SGCD: variants seen among roughly 807,000 people sequenced by gnomAD.
SGCD encodes sarcoglycan delta.
Under a neutral mutation model 36.6 loss-of-function variants are expected in SGCD, and 18 were observed. That is an observed-to-expected ratio of 0.49 (90% CI 0.34 to 0.73). SGCD has a LOEUF of 0.73. Among genes scored for constraint, SGCD ranks in the 30% least tolerant of loss-of-function variants. The pLI, the probability that SGCD is intolerant of heterozygous loss-of-function variation, is 0.01. For missense variants in SGCD, 387 were observed against 346.7 expected, an observed-to-expected ratio of 1.12 and a Z score of -0.92; for synonymous variants, 133 against 130.6, an observed-to-expected ratio of 1.02 and a Z score of -0.12.
chr5:156,655,397 C>G (rs1247583485), intron 7 of SGCD, among the ~76,000 whole-genome samples: 1 of 152,086 alleles, frequency 6.6e-6, no homozygotes, highest in Non-Finnish European at 1.5e-5. Flanking sequence ...TAGAAGATGT[C>G]AGTTAAAGGA....
intron 6 of SGCD, among the ~76,000 whole-genome samples, chr5:156,604,263 C>T (rs1032983445): frequency 4.0e-5 from 6 of 151,820 alleles, no homozygotes; most frequent in Middle Eastern, 6.8e-3. Flanking sequence ...TTCATTTCTC[C>T]ACTTTCATCT....
At chr5:155,942,577 G>A (rs1405406878) in intron 1 of SGCD, among the ~76,000 whole-genome samples, 1 of 152,090 alleles carries the variant, frequency 6.6e-6, no homozygotes, top group African/African-American at 2.4e-5. Flanking sequence ...AAGTATGAAG[G>A]CTAAAATAAT....
At chr5:156,006,535 T>C (rs1758763377) in intron 1 of SGCD, among the ~76,000 whole-genome samples, 1 of 152,194 alleles carries the variant, frequency 6.6e-6, no homozygotes, top group South Asian at 2.1e-4. Flanking sequence ...ATGTATCTAA[T>C]CATTTCCCAT....
At chr5:156,450,134 A>C (rs1424841038) in intron 3 of SGCD, among the ~76,000 whole-genome samples, 1 of 152,050 alleles carries the variant, frequency 6.6e-6, no homozygotes, top group Non-Finnish European at 1.5e-5. Context: ...GCTGCATTTC[A>C]ATATTATTCT....
At chr5:156,118,525 A>G (rs1050951337) in intron 2 of SGCD, among the ~76,000 whole-genome samples, 2 of 152,176 alleles carry the variant, frequency 1.3e-5, no homozygotes, top group Admixed American at 1.3e-4. Flanking sequence ...CTAAAAGCAC[A>G]TCTACTTTTA....
chr5:156,453,952 A>G (rs1026950783), intron 3 of SGCD, among the ~76,000 whole-genome samples: 3 of 152,174 alleles, frequency 2.0e-5, no homozygotes, highest in Non-Finnish European at 2.9e-5. Flanking sequence ...CTTGGGGCCA[A>G]TGGTGATGGG....
intron 3 of SGCD, among the ~76,000 whole-genome samples, chr5:156,125,270 C>T (rs1316835809): frequency 2.0e-5 from 3 of 152,144 alleles, no homozygotes; most frequent in Admixed American, 6.6e-5. Context: ...CTTCTGGCAC[C>T]GTAAGTCATA....
At chr5:155,737,995 A>C in the SGCD span, among the ~76,000 whole-genome samples, 1 of 152,090 alleles carries the variant, frequency 6.6e-6, no homozygotes, top group East Asian at 1.9e-4. Context: ...ATAATTAGGG[A>C]ATAGATCCTG....
intron 3 of SGCD, among the ~76,000 whole-genome samples, chr5:156,242,681 A>T (rs1413584093): frequency 6.6e-6 from 1 of 152,180 alleles, no homozygotes; most frequent in East Asian, 1.9e-4. Context: ...ATTTAATTTT[A>T]AAAAAAGAAA....
chr5:156,747,436 A>G (rs1335157561), intron 7 of SGCD, among the ~76,000 whole-genome samples: 2 of 152,206 alleles, frequency 1.3e-5, no homozygotes, highest in African/African-American at 4.8e-5. Context: ...TGGACAGGGC[A>G]GTGATCTTAC....
At chr5:156,611,671 T>C (rs1477972527) in intron 6 of SGCD, among the ~76,000 whole-genome samples, 1 of 152,230 alleles carries the variant, frequency 6.6e-6, no homozygotes, top group Non-Finnish European at 1.5e-5. Flanking sequence ...AAATTAGTTT[T>C]CTGTGCCTTT....
intron 5 of SGCD, among the ~76,000 whole-genome samples, chr5:156,591,856 T>G (rs187452560): frequency 2.6e-3 from 398 of 152,252 alleles, no homozygotes; most frequent in Non-Finnish European, 4.6e-3. Context: ...TTTTGCAGCC[T>G]CAGGTGAAAT....
chr5:156,746,009 A>T (rs1401014916), intron 7 of SGCD, among the ~76,000 whole-genome samples: 1 of 151,836 alleles, frequency 6.6e-6, no homozygotes, highest in Admixed American at 6.6e-5. Flanking sequence ...ACACAAAACC[A>T]CAAGTTTAAA....
intron 3 of SGCD, among the ~76,000 whole-genome samples, chr5:156,153,374 G>A (rs1157740098): frequency 6.6e-6 from 1 of 151,344 alleles, no homozygotes. Context: ...TTTAAAAACT[G>A]CATTTGCATT....
intron 1 of SGCD, among the ~76,000 whole-genome samples, chr5:156,047,785 T>A (rs1444857349): frequency 6.6e-6 from 1 of 152,152 alleles, no homozygotes. Flanking sequence ...AGCCCATGGA[T>A]CAAAGATTTA....
intron 3 of SGCD, among the ~76,000 whole-genome samples, chr5:156,409,072 C>T (rs541811779): frequency 4.6e-5 from 7 of 152,276 alleles, no homozygotes; most frequent in Admixed American, 2.0e-4. Flanking sequence ...CTTCTTCATT[C>T]TTCAAAAAGA....
chr5:156,537,131 A>G (rs1325990289), intron 4 of SGCD, among the ~76,000 whole-genome samples: 2 of 152,288 alleles, frequency 1.3e-5, no homozygotes, highest in East Asian at 1.9e-4. Flanking sequence ...CTGTTTGTGA[A>G]CAGGCTGTTT....
At chr5:156,255,644 A>G (rs78068328) in intron 3 of SGCD, among the ~76,000 whole-genome samples, 117 of 152,168 alleles carry the variant, frequency 7.7e-4, no homozygotes, top group Middle Eastern at 3.4e-3. Context: ...GCTTATAGCT[A>G]TTGGTAATAC....
intron 3 of SGCD, among the ~76,000 whole-genome samples, chr5:156,189,494 T>A (rs1198330077): frequency 1.3e-5 from 2 of 152,166 alleles, no homozygotes; most frequent in Non-Finnish European, 2.9e-5. Context: ...TAGGAAATTA[T>A]GAGTATAAAG....
Sources: allele counts gnomAD v4.1 joint callset (sites outside exome capture counted in the v4.1 genomes callset), GRCh38; gene constraint gnomAD v4.1.1; transcripts MANE v1.5; gene names NCBI Gene and HGNC (gene_info 2026-07-23, HGNC 2026-07-21).